KLF17: variants seen among roughly 807,000 people sequenced by gnomAD.
KLF17 encodes the protein Krueppel-like factor 17.
In KLF17, 31 loss-of-function variants were observed where a neutral mutation model predicts 34.2. The ratio of observed to expected loss-of-function variants is 0.91; its 90% CI spans 0.68 to 1.22. The LOEUF is 1.22. Ranked by LOEUF, KLF17 falls within the 50% of genes most tolerant of loss-of-function variation. The pLI, the probability that KLF17 is intolerant of heterozygous loss-of-function variation, is 0.00. For synonymous variants in KLF17, 179 were observed against 186.7 expected (o/e 0.96, Z 0.34); for missense variants, 478 against 505.2 (o/e 0.95, Z 0.52).
intron 1 of KLF17, among the ~76,000 whole-genome samples, chr1:44,127,994 A>G (rs545809581): frequency 1.3e-5 from 2 of 151,852 alleles, no homozygotes; most frequent in East Asian, 1.9e-4. Flanking sequence ...GACCATCCCA[A>G]TTGAAGAGTG....
the KLF17 span, among the ~76,000 whole-genome samples, chr1:44,068,461 G>T: frequency 6.6e-6 from 1 of 152,232 alleles, no homozygotes; most frequent in Non-Finnish European, 1.5e-5. Flanking sequence ...GGGCCCTCCA[G>T]TTACTATGTA....
At chr1:44,128,096 C>G (rs770269028) in intron 1 of KLF17, among the ~76,000 whole-genome samples, 1 of 152,018 alleles carries the variant, frequency 6.6e-6, no homozygotes, top group African/African-American at 2.4e-5. Context: ...TTGCTGTTGT[C>G]TTGAGACAGA....
At position 44,129,934 on chromosome 1, in the gene KLF17, GA is replaced by G; in HGVS notation, c.664del (p.Met222CysfsTer12). The G allele has an allele frequency of 6.2e-7, 1 of 1,614,192 alleles. No homozygotes were observed. Among genetic ancestry groups the G allele is most frequent in the Non-Finnish European group, 8.5e-7 (1 of 1,180,046 alleles). ...LPPQDAHDLG[M>X]PPAESQSLLV... ...CCCCGCAAGATGCCCATGACCTTGG[GA>G]TGCCCCCAGCTGAGTCCCAGTCATT... is the stretch of plus-strand genomic sequence containing the variant. On this transcript the variant is annotated frameshift_variant, in exon 2 of 4. Coordinates refer to ENST00000372299, the MANE Select transcript of KLF17 (RefSeq NM_173484.4). LOFTEE classifies it high-confidence loss of function.
chr1:44,103,994 G>A, the KLF17 span: 5 of 854,342 alleles, frequency 5.9e-6, 1 homozygote, highest in South Asian at 3.9e-5. Flanking sequence ...TGACCTCAGC[G>A]ATGATGCTGT....
chr1:44,116,171 G>A (rs186070860), upstream of KLF17, among the ~76,000 whole-genome samples: 54 of 152,244 alleles, frequency 3.5e-4, no homozygotes, highest in African/African-American at 1.3e-3. Context: ...GTCAGAGATG[G>A]CCCCAGGAGG....
the KLF17 span, among the ~76,000 whole-genome samples, chr1:44,105,810 C>T: frequency 6.6e-6 from 1 of 152,032 alleles, no homozygotes; most frequent in African/African-American, 2.4e-5. Flanking sequence ...CTGGTGAGGT[C>T]CTTGCTGCTG....
the KLF17 span, among the ~76,000 whole-genome samples, chr1:44,091,663 A>C: frequency 6.6e-6 from 1 of 151,070 alleles, no homozygotes; most frequent in Non-Finnish European, 1.5e-5. Flanking sequence ...AAAGAAGAAC[A>C]AGAAAAGAAA....
intron 3 of KLF17, among the ~76,000 whole-genome samples, chr1:44,130,999 G>A (rs2154311849): frequency 6.6e-6 from 1 of 152,256 alleles, no homozygotes; most frequent in Non-Finnish European, 1.5e-5. Flanking sequence ...GTTTCACTGT[G>A]TTAGCCAGGA....
At position 44,130,205 on chromosome 1, in the gene KLF17, G is replaced by A; in HGVS notation, c.925+9G>A. The A allele has an allele frequency of 6.3e-7, 1 of 1,599,384 alleles. No homozygotes were observed. Among genetic ancestry groups the A allele is most frequent in the African/African-American group, 1.3e-5 (1 of 74,504 alleles). On this transcript the variant is annotated intron_variant, in intron 2 of 3. Transcript: ENST00000372299. The stretch of plus-strand genomic sequence containing the variant: ...CCAGCGCAAGCACACAGGTGAAGGA[G>A]GTGTCAGGTGGGGTGGGGATGGAGG...
chr1:44,104,605 A>G, the KLF17 span: 1 of 581,124 alleles, frequency 1.7e-6, no homozygotes, highest in Non-Finnish European at 3.2e-6. Context: ...CGCTGGTCCC[A>G]CCATAGCCTC....
intron 1 of KLF17, among the ~76,000 whole-genome samples, chr1:44,119,242 G>A (rs1209751124): frequency 6.6e-6 from 1 of 151,958 alleles, no homozygotes; most frequent in Non-Finnish European, 1.5e-5. Context: ...TTGTGAGATT[G>A]AGGGTGTAAA....
intron 2 of KLF17, 70 bp downstream of exon 2, chr1:44,130,266 T>C (rs2088091937): frequency 6.5e-7 from 1 of 1,537,698 alleles, no homozygotes; most frequent in Non-Finnish European, 8.7e-7. Context: ...GGGCCACTGG[T>C]GGGTAATTGT....
chr1:44,105,688 A>G, the KLF17 span, among the ~76,000 whole-genome samples: 1 of 152,122 alleles, frequency 6.6e-6, no homozygotes, highest in Admixed American at 6.6e-5. Context: ...ATTTTTTTCT[A>G]GAACAATGCT....
the KLF17 span, among the ~76,000 whole-genome samples, chr1:44,055,544 A>G: frequency 6.6e-6 from 1 of 152,310 alleles, no homozygotes; most frequent in East Asian, 1.9e-4. Context: ...TAAGAAGGCA[A>G]CAGGCTGGGA....
the KLF17 span, among the ~76,000 whole-genome samples, chr1:44,100,580 G>A: frequency 1.3e-5 from 2 of 152,044 alleles, no homozygotes; most frequent in African/African-American, 2.4e-5. Context: ...GAACTAATTC[G>A]AGTAACTTTT....
chr1:44,124,711 G>A (rs1342666918), intron 1 of KLF17, among the ~76,000 whole-genome samples: 1 of 152,058 alleles, frequency 6.6e-6, no homozygotes, highest in Non-Finnish European at 1.5e-5. Context: ...GGCCAGGCTT[G>A]TCTCGAACTC....
chr1:44,055,786 G>T, the KLF17 span, among the ~76,000 whole-genome samples: 3 of 152,132 alleles, frequency 2.0e-5, no homozygotes, highest in South Asian at 2.1e-4. Flanking sequence ...TAATAACAAA[G>T]TTCCTAAAGT....
chr1:44,056,392 C>T, the KLF17 span, among the ~76,000 whole-genome samples: 3 of 152,144 alleles, frequency 2.0e-5, no homozygotes, highest in Non-Finnish European at 2.9e-5. Context: ...AGAGACCATC[C>T]TGGCACTCCA....
chr1:44,059,148 C>G, the KLF17 span, among the ~76,000 whole-genome samples: 3 of 152,310 alleles, frequency 2.0e-5, no homozygotes, highest in South Asian at 6.2e-4. Flanking sequence ...TGACCTGCAT[C>G]TGTGAGCCTT....
Sources: gnomAD v4.1 joint callset for allele counts (sites outside exome capture counted in the v4.1 genomes callset) on GRCh38, gnomAD v4.1.1 for gene constraint, MANE v1.5 for transcripts, NCBI Gene and HGNC (gene_info 2026-07-23, HGNC 2026-07-21) for gene names.